RAB5A: variants seen among roughly 807,000 people sequenced by gnomAD.
RAB5A encodes the protein RAB5A, member RAS oncogene family.
In RAB5A, 8 loss-of-function variants were observed where a neutral mutation model predicts 25.7. That is an observed-to-expected ratio of 0.31 (90% confidence interval 0.18 to 0.56). RAB5A has a LOEUF of 0.56. Among genes scored for constraint, RAB5A ranks in the 20% least tolerant of loss-of-function variants. The pLI is 0.91. For missense variants in RAB5A, 192 were observed against 259.7 expected, an observed-to-expected ratio of 0.74 and a Z score of 1.79; for synonymous variants, 98 against 89.8, an observed-to-expected ratio of 1.09 and a Z score of -0.52.
chr3:19,955,040 C>T (rs75447343), intron 2 of RAB5A, among the ~76,000 whole-genome samples: 2 of 152,156 alleles, frequency 1.3e-5, no homozygotes, highest in East Asian at 3.9e-4. Flanking sequence ...TGTCTTCCTT[C>T]TTTACTTGGT....
chr3:19,975,027 A>C (rs1350545503), intron 2 of RAB5A, among the ~76,000 whole-genome samples: 1 of 152,188 alleles, frequency 6.6e-6, no homozygotes, highest in Non-Finnish European at 1.5e-5. Context: ...GGAGTTCGAG[A>C]CCAGCCTGGC....
Position 19,978,378 on chromosome 3 carries a change from T to A in RAB5A, c.507T>A (p.Asn169Lys). Reference protein sequence around the residue: ...FMETSAKTSMNVNEIFMAIAK... With the variant: ...FMETSAKTSMKVNEIFMAIAK... ...AGACATCCGCTAAAACATCAATGAA[T>A]GTAAATGAAATATTCATGGCAATAG... Residue 169 changes from asparagine (N) to lysine (K), a missense_variant, in exon 5 of 6, where the codon AAT (asparagine) becomes AAA (lysine). By Grantham distance (94) the Asn-to-Lys change is moderately conservative. Coordinates refer to ENST00000273047, the MANE Select transcript of RAB5A (RefSeq NM_004162.5). 6.2e-7 allele frequency: 1 copy of A among 1,600,668 alleles called. No individual in the cohort carries two copies. The highest frequency in any genetic ancestry group is 1.1e-5 in the South Asian group (1 of 90,794).
chr3:19,982,039 C>A (rs1461877613), intron 5 of RAB5A, among the ~76,000 whole-genome samples: 1 of 151,580 alleles, frequency 6.6e-6, no homozygotes, highest in South Asian at 2.1e-4. Context: ...GCCAGGAGTT[C>A]TAGACCAGCC....
At chr3:19,964,259 ATATCTATATATCTG>A (rs1250166620) in intron 2 of RAB5A, among the ~76,000 whole-genome samples, 1 of 152,214 alleles carries the variant, frequency 6.6e-6, no homozygotes, top group Non-Finnish European at 1.5e-5. Context: ...CTACCTATAG[ATATCTATATATCTG>A]TATCTATATA....
intron 2 of RAB5A, among the ~76,000 whole-genome samples, chr3:19,956,395 A>C (rs1266901932): frequency 6.6e-6 from 1 of 152,194 alleles, no homozygotes; most frequent in Admixed American, 6.5e-5. Context: ...CGGAGGTTGC[A>C]GTGAGCCGAG....
chr3:19,975,629 T>G lies in RAB5A; in HGVS notation c.192T>G (p.Leu64=), dbSNP rs1461061949. The change falls in exon 3 of 6, where the codon CTT becomes CTG. Residue 64 remains leucine, a synonymous_variant. Transcript: ENST00000273047. ...CTTTTCTAACCCAAACTGTATGTCT[T>G]GATGACACTACAGTAAAGTTTGAAA... ...GAAFLTQTVC[L]DDTTVKFEIW... The G allele has an allele frequency of 1.9e-6, 3 of 1,613,864 alleles. No homozygotes were observed. In the Admixed American group the frequency reaches 5.0e-5, roughly 27 times the overall value.
chr3:19,969,745 T>A (rs1028958511), intron 2 of RAB5A, among the ~76,000 whole-genome samples: 5 of 152,236 alleles, frequency 3.3e-5, no homozygotes, highest in Non-Finnish European at 5.9e-5. Flanking sequence ...AGTTTTTGTA[T>A]TTTTCCCCTT....
chr3:19,954,572 CT>C (rs2125179534), intron 2 of RAB5A, among the ~76,000 whole-genome samples: 1 of 152,230 alleles, frequency 6.6e-6, no homozygotes, highest in South Asian at 2.1e-4. Context: ...AATCCCAGCA[CT>C]TTGGGAAGCT....
At chr3:19,968,848 A>G (rs777787257) in intron 2 of RAB5A, among the ~76,000 whole-genome samples, 2 of 152,132 alleles carry the variant, frequency 1.3e-5, no homozygotes, top group Non-Finnish European at 2.9e-5. Flanking sequence ...TTGAGCATAA[A>G]AGTTTGTTCT....
At chr3:19,958,395 A>C (rs1003792109) in intron 2 of RAB5A, among the ~76,000 whole-genome samples, 13 of 152,158 alleles carry the variant, frequency 8.5e-5, no homozygotes, top group African/African-American at 2.9e-4. Flanking sequence ...ATTATTCCCC[A>C]ATTTCTTAGG....
At chr3:19,948,009 C>G (rs1696353911) in intron 1 of RAB5A, 1 of 152,238 alleles carries the variant, frequency 6.6e-6, no homozygotes, top group South Asian at 2.1e-4. Flanking sequence ...GGAGCTCCGC[C>G]TATCTTCAAC....
chr3:19,977,615 C>G (rs1026529681), intron 4 of RAB5A, among the ~76,000 whole-genome samples: 6 of 152,148 alleles, frequency 3.9e-5, no homozygotes, highest in African/African-American at 1.4e-4. Flanking sequence ...AAAATTGTTG[C>G]CTTCCCAGCA....
intron 1 of RAB5A, among the ~76,000 whole-genome samples, chr3:19,949,740 T>G (rs988732091): frequency 6.6e-6 from 1 of 152,170 alleles, no homozygotes; most frequent in Non-Finnish European, 1.5e-5. Flanking sequence ...ATGTGTTGTT[T>G]AAATAAAAAA....
At chr3:19,948,360 C>T (rs1696364387) in intron 1 of RAB5A, among the ~76,000 whole-genome samples, 2 of 152,210 alleles carry the variant, frequency 1.3e-5, no homozygotes, top group Admixed American at 6.5e-5. Flanking sequence ...CAAGACTGCT[C>T]ATAAACTTTA....
chr3:19,957,756 C>T (rs970665877), intron 2 of RAB5A, among the ~76,000 whole-genome samples: 12 of 150,584 alleles, frequency 8.0e-5, no homozygotes, highest in African/African-American at 2.4e-4. Context: ...GGTAAGTAGG[C>T]GAGGTGATCA....
At position 19,961,612 on chromosome 3, in the gene RAB5A, TCA is replaced by T. The variant is rs1696586102; in HGVS notation, c.163+10555_163+10556del. 2.6e-5 allele frequency among the ~76,000 whole-genome samples: 4 copies of T among 152,226 alleles called. 1 individual carries two copies. In the South Asian group the frequency reaches 8.3e-4, roughly 31 times the overall value. On this transcript the variant is annotated intron_variant, in intron 2 of 5. Coordinates refer to ENST00000273047, the MANE Select transcript of RAB5A (RefSeq NM_004162.5). ...TTCATTTTTATGCCATCATCATGTG[TCA>T]CACGCTATATTTTAACTGCCTTTAA...
At position 19,949,669 on chromosome 3, in the gene RAB5A, C is replaced by G. The variant is rs75610826; in HGVS notation, c.-93-1137C>G. ...GATTGAAAAAGGTTCTTCAAATATT[C>G]ACTAATTCCTTAGAGATTAAAAATT... On this transcript the variant is annotated intron_variant, in intron 1 of 5. Coordinates refer to ENST00000273047, the MANE Select transcript of RAB5A (RefSeq NM_004162.5). 6.7e-3 allele frequency among the ~76,000 whole-genome samples: 1,026 copies of G among 152,292 alleles called. 11 individuals are homozygous for G. Among genetic ancestry groups the G allele is most frequent in the African/African-American group, 0.023 (938 of 41,552 alleles).
chr3:19,972,791 G>A lies in RAB5A; in HGVS notation c.164-2810G>A, dbSNP rs552880223. 5.3e-5 allele frequency among the ~76,000 whole-genome samples: 8 copies of A among 152,180 alleles called. No individual in the cohort carries two copies. In the South Asian group the frequency reaches 1.7e-3, roughly 32 times the overall value. On this transcript the variant is annotated intron_variant, in intron 2 of 5. Transcript: ENST00000273047. ...ATTTGTTGCAATTTCTTTGTATTTGGCATTTTTGTACATGTATGGTGTACA... is the reference window on the plus strand; with the variant it reads ...ATTTGTTGCAATTTCTTTGTATTTGACATTTTTGTACATGTATGGTGTACA...
chr3:19,981,652 G>C (rs1160566634), intron 5 of RAB5A, among the ~76,000 whole-genome samples: 2 of 151,832 alleles, frequency 1.3e-5, no homozygotes, highest in African/African-American at 4.8e-5. Context: ...ATACAACTTA[G>C]GATGGATATA....
Sources: allele counts gnomAD v4.1 joint callset (sites outside exome capture counted in the v4.1 genomes callset), GRCh38; gene constraint gnomAD v4.1.1; transcripts MANE v1.5; gene names NCBI Gene and HGNC (gene_info 2026-07-23, HGNC 2026-07-21).